The following SLC5A10 variants were observed in gnomAD, a reference collection of about 807,000 sequenced individuals.
SLC5A10 encodes sodium/mannose cotransporter SLC5A10.
A neutral mutation model predicts 68.9 loss-of-function variants in SLC5A10; 55 were observed. The observed-to-expected ratio is 0.80, with a 90% confidence interval of 0.64 to 1.00. The LOEUF is 1.00. Ranked by LOEUF, SLC5A10 falls within the 50% of genes least tolerant of loss-of-function variation. The probability of loss-of-function intolerance (pLI) is 0.00; values close to 1 mark genes in which losing one functional copy is unlikely to be tolerated. For missense variants in SLC5A10, 732 were observed against 819.3 expected (o/e 0.89, Z 1.30); for synonymous variants, 344 against 344.8 (o/e 1.00, Z 0.02).
In SLC5A10 at chr17:18,968,984, T is replaced by C; in HGVS notation, c.454-68T>C. On this transcript the variant is annotated intron_variant, in intron 5 of 14. Coordinates refer to ENST00000395645, the MANE Select transcript of SLC5A10 (RefSeq NM_001042450.4). This position sits in a 1 kb window ranked among gnomAD's most constrained non-coding sequence, Gnocchi z 4.1. ...GGCCCAGAGAGGGCCTTGCCCGAGG[T>C]CACCCAGGGAGTGGCTTGCTGGAGC... is the stretch of plus-strand genomic sequence containing the variant. 1 of 1,497,210 alleles carries C rather than the reference T, an allele frequency of 6.7e-7. No homozygotes were observed. Among genetic ancestry groups the C allele is most frequent in the Non-Finnish European group, 9.0e-7 (1 of 1,108,858 alleles). 92.7% of individuals were successfully genotyped at this position (1,497,210 alleles called of 1,614,324 possible). A position where few individuals can be genotyped will look rare whatever the true frequency, so the allele number is the denominator to read the frequency against.
At chr17:19,007,607 G>A (rs2043921063) in intron 9 of SLC5A10, among the ~76,000 whole-genome samples, 1 of 152,150 alleles carries the variant, frequency 6.6e-6, no homozygotes, top group African/African-American at 2.4e-5. Context: ...GTCTTGCTAT[G>A]TTGCCCAGGC....
rs770866627 is a variant in SLC5A10 at position 18,969,441 on chromosome 17, G to C, written c.640+19G>C. 16 of 1,609,912 alleles carry C rather than the reference G, an allele frequency of 9.9e-6. No individual in the cohort carries two copies. The highest frequency in any genetic ancestry group is 1.3e-5 in the Non-Finnish European group (15 of 1,176,822). On this transcript the variant is annotated intron_variant, in intron 7 of 14. Transcript: ENST00000395645. The stretch of plus-strand genomic sequence containing the variant: ...ATCAAAGGTGAGGACAGAGTCTGTG[G>C]CCATGGCGGGGCTGTCCCCACAGCG...
At chr17:19,013,331 C>T (rs1307764365) in intron 9 of SLC5A10, 79 bp from the exon 10 acceptor site, 11 of 1,582,722 alleles carry the variant, frequency 7.0e-6, no homozygotes, top group Admixed American at 1.8e-5. Context: ...GGGCCAGGCT[C>T]CTGCCCCCAG....
intron 8 of SLC5A10, chr17:18,975,728 C>T (rs2152006257): frequency 6.6e-6 from 1 of 152,038 alleles, no homozygotes; most frequent in East Asian, 1.9e-4. Context: ...GCTTCCTGCT[C>T]CTGAGTTGCA....
At chr17:18,959,718 T>G in intron 4 of SLC5A10, 55 bp downstream of exon 4, 1 of 1,548,628 alleles carries the variant, frequency 6.5e-7, no homozygotes, top group Non-Finnish European at 8.9e-7. Flanking sequence ...TCCAAGTTGG[T>G]GGTAGTAATG....
intron 4 of SLC5A10, among the ~76,000 whole-genome samples, chr17:18,960,271 G>A (rs1038264676): frequency 6.6e-5 from 10 of 152,214 alleles, no homozygotes; most frequent in Middle Eastern, 6.8e-3. Context: ...TCCCAGCCAC[G>A]GCCCCTCCAA....
At chr17:18,954,945 G>C (rs1196612334) in intron 1 of SLC5A10, among the ~76,000 whole-genome samples, 1 of 151,992 alleles carries the variant, frequency 6.6e-6, no homozygotes, top group Non-Finnish European at 1.5e-5. Flanking sequence ...AATTAGCCAG[G>C]CGTGGTGCCA....
rs765540472 is a variant in SLC5A10 at position 19,019,729 on chromosome 17, T to A, written c.1427T>A (p.Leu476Gln). 1 of 1,611,056 alleles carries A rather than the reference T, an allele frequency of 6.2e-7. No homozygotes were observed. Among genetic ancestry groups the A allele is most frequent in the African/African-American group, 1.3e-5 (1 of 74,898 alleles). ...CCTCCCCAGGGGGCCTTCTGGGGCC[T>A]GATAGCAGGGCTGGTGGTGGGGGCC... ...RANEQGAFWG[L>Q]IAGLVVGATR... The change falls in exon 13 of 15, where the codon CTG (leucine) becomes CAG (glutamine). Residue 476 changes from leucine (L) to glutamine (Q), a missense_variant. By Grantham distance (113) the Leu-to-Gln change is moderately radical (BLOSUM62 -2). Coordinates refer to ENST00000395645, the MANE Select transcript of SLC5A10 (RefSeq NM_001042450.4).
At chr17:19,001,538 A>C (rs923277928) in intron 9 of SLC5A10, among the ~76,000 whole-genome samples, 1 of 152,218 alleles carries the variant, frequency 6.6e-6, no homozygotes, top group Admixed American at 6.5e-5. Flanking sequence ...CTGGCACCCA[A>C]ACTGGAGACC....
chr17:18,960,187 C>A (rs922505946), intron 4 of SLC5A10, among the ~76,000 whole-genome samples: 2 of 152,234 alleles, frequency 1.3e-5, no homozygotes, highest in African/African-American at 4.8e-5. Flanking sequence ...CTGCCCCTCA[C>A]AGCCACCTCC....
chr17:18,993,335 G>A (rs922127908), intron 9 of SLC5A10, among the ~76,000 whole-genome samples: 6 of 152,084 alleles, frequency 3.9e-5, no homozygotes, highest in Non-Finnish European at 5.9e-5. Context: ...CTCCCCTGTC[G>A]TCACTCTGGC....
Position 18,977,469 on chromosome 17 carries a change from G to A in SLC5A10, c.982+480G>A, listed in dbSNP as rs190194224. ...ATCAAGTTTCCCCATCTGTAACAAG[G>A]GAATTGAAGTCATCAGAGTCAGGGA... On this transcript the variant is annotated intron_variant, in intron 9 of 14. Coordinates refer to ENST00000395645, the MANE Select transcript of SLC5A10 (RefSeq NM_001042450.4). 16 of 1,054,954 alleles carry A rather than the reference G, an allele frequency of 1.5e-5. No individual in the cohort carries two copies. In the Admixed American group the frequency reaches 3.8e-4, roughly 25 times the overall value. The allele number at this position is 1,054,954 out of a possible 1,614,324, so 65.3% of individuals were successfully genotyped here.
At chr17:19,008,954 G>A (rs111527967) in intron 9 of SLC5A10, among the ~76,000 whole-genome samples, 1,591 of 151,982 alleles carry the variant, frequency 0.01, 10 homozygotes, top group South Asian at 0.017. Context: ...TGGGACTACA[G>A]GTGCGTGCCA....
chr17:19,020,518 G>A lies in SLC5A10; in HGVS notation c.*87G>A. ...TGGGGATCCCGAGGCCCCAAGAGGG[G>A]CAGATTCCCCTCACAGCTGCACAGC... is the stretch of plus-strand genomic sequence containing the variant. On this transcript the variant is annotated 3_prime_UTR_variant, in exon 15 of 15. Coordinates refer to ENST00000395645, the MANE Select transcript of SLC5A10 (RefSeq NM_001042450.4). The A allele has an allele frequency of 7.7e-7, 1 of 1,301,186 alleles. No individual in the cohort carries two copies. Among genetic ancestry groups the A allele is most frequent in the Admixed American group, 1.9e-5 (1 of 51,624 alleles). The allele number at this position is 1,301,186 out of a possible 1,614,324, so 80.6% of individuals were successfully genotyped here. A position where few individuals can be genotyped will look rare whatever the true frequency, so the allele number is the denominator to read the frequency against.
chr17:18,952,358 G>C, intron 1 of SLC5A10, 42 bp downstream of exon 1: 1 of 1,584,366 alleles, frequency 6.3e-7, no homozygotes, highest in Non-Finnish European at 8.6e-7. Flanking sequence ...GGGCTCTCAG[G>C]GTTGGTGCTT....
At position 19,008,626 on chromosome 17, in the gene SLC5A10, A is replaced by T. The variant is rs1245057723; in HGVS notation, c.983-4784A>T. ...ACCATTCTCCTGCCTCAGCCTCCGG[A>T]GTAGCTGGGACTACAGGCGCCTGCC... On this transcript the variant is annotated intron_variant, in intron 9 of 14. Coordinates refer to ENST00000395645, the MANE Select transcript of SLC5A10 (RefSeq NM_001042450.4). Among the ~76,000 whole-genome samples the T allele has an allele frequency of 2.0e-5, 3 of 151,234 alleles. No homozygotes were observed. The East Asian group carries it at 5.9e-4, about 30-fold the overall frequency.
rs2043570434 is a variant in SLC5A10 at position 18,996,278 on chromosome 17, C to A, written c.983-17132C>A. 6.6e-6 allele frequency among the ~76,000 whole-genome samples: 1 copy of A among 152,170 alleles called. No homozygotes were observed. Among genetic ancestry groups the A allele is most frequent in the Admixed American group, 6.5e-5 (1 of 15,280 alleles). The stretch of plus-strand genomic sequence containing the variant: ...CCCGCACTCCCTCCTCCAGCTGCAA[C>A]CCCCTCCTCCAGCAGCACGGTTGGG... On this transcript the variant is annotated intron_variant, in intron 9 of 14. Transcript: ENST00000395645. This position sits in a 1 kb window ranked among gnomAD's most constrained non-coding sequence, Gnocchi z 4.4.
At chr17:18,980,280 G>C (rs2043097232) in intron 9 of SLC5A10, among the ~76,000 whole-genome samples, 1 of 152,102 alleles carries the variant, frequency 6.6e-6, no homozygotes, top group Non-Finnish European at 1.5e-5. Flanking sequence ...CCTTCCCCAT[G>C]GCCAGGACAC....
chr17:18,956,541 A>T (rs2042508012), intron 1 of SLC5A10, among the ~76,000 whole-genome samples: 1 of 132,936 alleles, frequency 7.5e-6, no homozygotes, highest in South Asian at 2.3e-4. Flanking sequence ...CAGTGGCGCC[A>T]TCTTGGCTCA....
Sources: allele counts gnomAD v4.1 joint callset (sites outside exome capture counted in the v4.1 genomes callset), GRCh38; gene constraint gnomAD v4.1.1; non-coding constraint Gnocchi (gnomAD v3.1); transcripts MANE v1.5; gene names NCBI Gene and HGNC (gene_info 2026-07-23, HGNC 2026-07-21).